ENTREP2: variants seen among roughly 807,000 people sequenced by gnomAD.
ENTREP2 encodes the protein protein ENTREP2.
the ENTREP2 span, among the ~76,000 whole-genome samples, chr15:29,175,804 C>T: frequency 1.3e-5 from 2 of 152,354 alleles, 1 homozygote; most frequent in South Asian, 4.1e-4. Flanking sequence ...GACGGGGTTT[C>T]ACCATGTTGG....
the ENTREP2 span, among the ~76,000 whole-genome samples, chr15:29,258,316 A>C: frequency 6.6e-6 from 1 of 152,134 alleles, no homozygotes; most frequent in East Asian, 1.9e-4. Flanking sequence ...ATGATATGTA[A>C]ATAAACTGGC....
the ENTREP2 span, among the ~76,000 whole-genome samples, chr15:29,636,440 C>A: frequency 6.6e-6 from 1 of 152,234 alleles, no homozygotes; most frequent in African/African-American, 2.4e-5. Context: ...ACATCAGAGG[C>A]CGCCCTGCAG....
the ENTREP2 span, among the ~76,000 whole-genome samples, chr15:29,306,875 A>G: frequency 6.6e-6 from 1 of 151,584 alleles, no homozygotes. Context: ...CCTCCTGAGT[A>G]GCTGGGACTA....
At chr15:29,172,362 T>C in the ENTREP2 span, among the ~76,000 whole-genome samples, 1 of 152,186 alleles carries the variant, frequency 6.6e-6, no homozygotes, top group African/African-American at 2.4e-5. Flanking sequence ...TCTCATTCAA[T>C]TCCAAGGAGC....
At chr15:29,133,293 C>T in the ENTREP2 span, among the ~76,000 whole-genome samples, 39,746 of 152,106 alleles carry the variant, frequency 0.26, 6,339 homozygotes, top group Non-Finnish European at 0.37. Flanking sequence ...TCTACTCCTG[C>T]TCTCAAAGTG....
the ENTREP2 span, among the ~76,000 whole-genome samples, chr15:29,572,060 G>A: frequency 1.3e-5 from 2 of 152,172 alleles, no homozygotes; most frequent in Non-Finnish European, 2.9e-5. Context: ...TTCACCGTTA[G>A]AGATATTGAT....
At chr15:29,533,124 C>A in the ENTREP2 span, among the ~76,000 whole-genome samples, 4 of 152,148 alleles carry the variant, frequency 2.6e-5, no homozygotes, top group Non-Finnish European at 5.9e-5. Context: ...CAGCACTCTA[C>A]AGTTGGGGAA....
the ENTREP2 span, among the ~76,000 whole-genome samples, chr15:29,607,303 T>C: frequency 7.3e-6 from 1 of 136,728 alleles, no homozygotes; most frequent in Non-Finnish European, 1.5e-5. Context: ...TCTCTTCATT[T>C]CTTTTTTTTT....
At chr15:29,123,162 T>G in the ENTREP2 span, 2 of 637,106 alleles carry the variant, frequency 3.1e-6, no homozygotes, top group Non-Finnish European at 5.2e-6. Context: ...TCGGCTCCCC[T>G]CGAGAGAGGG....
the ENTREP2 span, among the ~76,000 whole-genome samples, chr15:29,468,102 T>C: frequency 6.6e-6 from 1 of 152,144 alleles, no homozygotes; most frequent in Non-Finnish European, 1.5e-5. Flanking sequence ...TCATGCATTG[T>C]TTTTATTCCC....
At chr15:29,340,791 T>G in the ENTREP2 span, among the ~76,000 whole-genome samples, 1 of 152,136 alleles carries the variant, frequency 6.6e-6, no homozygotes, top group Non-Finnish European at 1.5e-5. Context: ...GAGAGATGGG[T>G]GGATGAAAAA....
the ENTREP2 span, among the ~76,000 whole-genome samples, chr15:29,291,865 T>A: frequency 6.6e-6 from 1 of 152,064 alleles, no homozygotes; most frequent in East Asian, 1.9e-4. Flanking sequence ...GTTTTTTTTT[T>A]CTTCCAAGAA....
At chr15:29,454,530 T>C in the ENTREP2 span, among the ~76,000 whole-genome samples, 1 of 152,224 alleles carries the variant, frequency 6.6e-6, no homozygotes, top group East Asian at 1.9e-4. Flanking sequence ...TGACCCTCTC[T>C]TTGCCTCAAT....
At chr15:29,298,058 A>G in the ENTREP2 span, among the ~76,000 whole-genome samples, 2 of 152,214 alleles carry the variant, frequency 1.3e-5, no homozygotes, top group African/African-American at 4.8e-5. Flanking sequence ...TGAAACAGAA[A>G]ATGTATGGTT....
At chr15:29,137,268 G>T in the ENTREP2 span, 2 of 1,305,510 alleles carry the variant, frequency 1.5e-6, no homozygotes, top group Non-Finnish European at 2.0e-6. Flanking sequence ...CTAATTATAC[G>T]AGAGCTTTAA....
At chr15:29,425,756 C>T in the ENTREP2 span, among the ~76,000 whole-genome samples, 1 of 151,940 alleles carries the variant, frequency 6.6e-6, no homozygotes, top group East Asian at 1.9e-4. Context: ...AATTTTAAAT[C>T]TATGTTTGAA....
At chr15:29,542,599 C>T in the ENTREP2 span, among the ~76,000 whole-genome samples, 1 of 152,240 alleles carries the variant, frequency 6.6e-6, no homozygotes, top group African/African-American at 2.4e-5. Flanking sequence ...CCACGGCGCC[C>T]GGCCCTCCTT....
At chr15:29,604,057 ACATTTATG>A in the ENTREP2 span, among the ~76,000 whole-genome samples, 1 of 152,236 alleles carries the variant, frequency 6.6e-6, no homozygotes, top group South Asian at 2.1e-4. Flanking sequence ...GACAGTTGCA[ACATTTATG>A]ACGAGGGAAA....
the ENTREP2 span, among the ~76,000 whole-genome samples, chr15:29,327,594 CAA>C: frequency 1.7e-4 from 16 of 92,322 alleles, no homozygotes; most frequent in Admixed American, 2.5e-4. Flanking sequence ...GACCCCATCT[CAA>C]AAAAAAAAAA....
Sources: gnomAD v4.1 joint callset for allele counts (sites outside exome capture counted in the v4.1 genomes callset) on GRCh38, gnomAD v4.1.1 for gene constraint, MANE v1.5 for transcripts, NCBI Gene and HGNC (gene_info 2026-07-23, HGNC 2026-07-21) for gene names.